The following ZNF536 variants were observed in gnomAD, a reference collection of about 807,000 sequenced individuals.
The protein encoded by ZNF536 is zinc finger protein 536.
In ZNF536, 13 loss-of-function variants were observed where a neutral mutation model predicts 84.5. The ratio of observed to expected loss-of-function variants is 0.15; its 90% CI spans 0.10 to 0.24. The LOEUF is 0.24. Ranked by LOEUF, ZNF536 falls within the 10% of genes least tolerant of loss-of-function variation. The probability of loss-of-function intolerance (pLI) is 1.00; values close to 1 mark genes in which losing one functional copy is unlikely to be tolerated. For synonymous variants in ZNF536, 811 were observed against 742.5 expected, an observed-to-expected ratio of 1.09 and a Z score of -1.50; for missense variants, 1,536 against 1,747.5, an observed-to-expected ratio of 0.88 and a Z score of 2.16.
intron 2 of ZNF536, among the ~76,000 whole-genome samples, chr19:30,464,750 GC>G (rs2053308676): frequency 6.6e-6 from 1 of 152,042 alleles, no homozygotes; most frequent in Admixed American, 6.5e-5. Context: ...GAGAGCCTGA[GC>G]ACAGGAGAAA....
chr19:30,534,077 G>C (rs1430301998), intron 2 of ZNF536, among the ~76,000 whole-genome samples: 2 of 152,158 alleles, frequency 1.3e-5, no homozygotes, highest in Non-Finnish European at 2.9e-5. Flanking sequence ...AATGGTTTGG[G>C]TTACATAACA....
chr19:30,604,836 G>A (rs946382810), intron 1 of ZNF536, among the ~76,000 whole-genome samples: 5 of 152,206 alleles, frequency 3.3e-5, no homozygotes, highest in African/African-American at 1.2e-4. Context: ...TCGGGGCAGA[G>A]TCAGGAAGCC....
intron 2 of ZNF536, among the ~76,000 whole-genome samples, chr19:30,525,451 A>T (rs539218719): frequency 2.9e-4 from 44 of 152,292 alleles, no homozygotes; most frequent in African/African-American, 1.1e-3. Flanking sequence ...AGTATTTATA[A>T]AGCACCTGCT....
chr19:30,402,829 C>A (rs1213679305), intron 1 of ZNF536, among the ~76,000 whole-genome samples: 8 of 64,090 alleles, frequency 1.2e-4, no homozygotes, highest in Non-Finnish European at 2.4e-4. Context: ...ATATAATTTT[C>A]AAAAATTTGA....
At chr19:30,583,083 C>G (rs2146695260) in intron 1 of ZNF536, among the ~76,000 whole-genome samples, 1 of 152,284 alleles carries the variant, frequency 6.6e-6, no homozygotes, top group Non-Finnish European at 1.5e-5. Flanking sequence ...CCTTGATTGA[C>G]TTTAAGTAAG....
At chr19:30,563,319 A>G (rs1383513838) in intron 1 of ZNF536, among the ~76,000 whole-genome samples, 1 of 152,188 alleles carries the variant, frequency 6.6e-6, no homozygotes, top group African/African-American at 2.4e-5. Context: ...AACCTATATG[A>G]TAATTCAACA....
At chr19:30,393,901 C>T (rs2049703453) in intron 1 of ZNF536, among the ~76,000 whole-genome samples, 1 of 152,134 alleles carries the variant, frequency 6.6e-6, no homozygotes. Flanking sequence ...GAATGGAAGC[C>T]TGGGTGTTTG....
chr19:30,374,071 T>C (rs1199045958), intron 1 of ZNF536, among the ~76,000 whole-genome samples: 3 of 152,182 alleles, frequency 2.0e-5, no homozygotes, highest in African/African-American at 4.8e-5. Flanking sequence ...TTTTTAATGG[T>C]GATATAGGTA....
At chr19:30,621,424 G>A (rs540942804) in intron 1 of ZNF536, among the ~76,000 whole-genome samples, 2 of 152,080 alleles carry the variant, frequency 1.3e-5, no homozygotes, top group Non-Finnish European at 2.9e-5. Context: ...GGTGTACAAA[G>A]CCCAGCTCTT....
chr19:30,226,073 G>C (rs1421427471), upstream of ZNF536, among the ~76,000 whole-genome samples: 1 of 151,836 alleles, frequency 6.6e-6, no homozygotes, highest in East Asian at 2.0e-4. The surrounding 1 kb of genome is among the most constrained non-coding windows in gnomAD (Gnocchi z 4.6). Flanking sequence ...TCCCGGGACC[G>C]TTACTTTGAA....
intron 2 of ZNF536, among the ~76,000 whole-genome samples, chr19:30,349,184 T>C (rs1461394888): frequency 6.6e-6 from 1 of 152,246 alleles, no homozygotes; most frequent in Non-Finnish European, 1.5e-5. Context: ...ACTTACTGCA[T>C]AGGGCTCCAA....
At chr19:30,238,776 T>C (rs1316602218) in intron 1 of ZNF536, among the ~76,000 whole-genome samples, 1 of 151,354 alleles carries the variant, frequency 6.6e-6, no homozygotes, top group Non-Finnish European at 1.5e-5. Context: ...ATCAACACAA[T>C]AGCAAAATGA....
chr19:30,624,798 G>A (rs1228732152), intron 1 of ZNF536, among the ~76,000 whole-genome samples: 2 of 152,118 alleles, frequency 1.3e-5, no homozygotes, highest in Non-Finnish European at 2.9e-5. Context: ...GTCAAAGGAG[G>A]GACCCAGTGA....
rs1371431860 is a variant in ZNF536 at position 30,522,966 on chromosome 19, T to C, written c.2171-11881T>C. ...CTTCATCTGTGATTAAAGATTGTCA[T>C]CTATGCGAAGCTCAGTGGCAGCCTG... On this transcript the variant is annotated intron_variant, in intron 2 of 4. Coordinates refer to ENST00000355537, the MANE Select transcript of ZNF536 (RefSeq NM_014717.3). 3.9e-5 allele frequency among the ~76,000 whole-genome samples: 6 copies of C among 152,304 alleles called. No homozygotes were observed. In the East Asian group the frequency reaches 7.7e-4, roughly 20 times the overall value.
At chr19:30,704,963 T>C (rs1568690190) in intron 1 of ZNF536, among the ~76,000 whole-genome samples, 2 of 151,556 alleles carry the variant, frequency 1.3e-5, no homozygotes, top group Non-Finnish European at 2.9e-5. Context: ...TTATGTTCTC[T>C]GACCCAAAGC....
intron 1 of ZNF536, among the ~76,000 whole-genome samples, chr19:30,407,516 G>T (rs1456064563): frequency 6.6e-6 from 1 of 152,114 alleles, no homozygotes; most frequent in African/African-American, 2.4e-5. Context: ...CCCCAAGATG[G>T]TCCCGCCCCA....
intron 2 of ZNF536, among the ~76,000 whole-genome samples, chr19:30,520,721 C>T (rs1024344104): frequency 1.3e-5 from 2 of 152,128 alleles, no homozygotes; most frequent in Admixed American, 6.5e-5. Flanking sequence ...TGGATCACCA[C>T]CTGCTGGTTT....
At chr19:30,643,804 C>T (rs2049359566) in intron 1 of ZNF536, among the ~76,000 whole-genome samples, 1 of 152,104 alleles carries the variant, frequency 6.6e-6, no homozygotes, top group Admixed American at 6.5e-5. Flanking sequence ...CCCCAGTTAA[C>T]CCTTTTCTCC....
At chr19:30,297,513 A>G (rs1484986360) in intron 2 of ZNF536, among the ~76,000 whole-genome samples, 2 of 152,172 alleles carry the variant, frequency 1.3e-5, no homozygotes, top group East Asian at 3.9e-4. Context: ...AAGAAGGGAG[A>G]TGAATTTCTT....
Sources: gnomAD v4.1 joint callset for allele counts (sites outside exome capture counted in the v4.1 genomes callset) on GRCh38, gnomAD v4.1.1 for gene constraint, Gnocchi (gnomAD v3.1) non-coding constraint, MANE v1.5 for transcripts, NCBI Gene and HGNC (gene_info 2026-07-23, HGNC 2026-07-21) for gene names.